SLC16A9: variants seen among roughly 807,000 people sequenced by gnomAD.
SLC16A9 encodes the protein solute carrier family 16 member 9, also known as monocarboxylate transporter 9.
SLC16A9 carries 26 observed loss-of-function variants against 44.3 expected under a neutral mutation model. The ratio of observed to expected loss-of-function variants is 0.59; its 90% CI spans 0.43 to 0.81. The LOEUF (loss-of-function observed/expected upper bound fraction) is 0.81, where lower values mean the gene tolerates loss of function less well. SLC16A9 is among the 40% of genes least tolerant of loss of function. The pLI, the probability that SLC16A9 is intolerant of heterozygous loss-of-function variation, is 0.00. For synonymous variants in SLC16A9, 230 were observed against 225.1 expected (o/e 1.02, Z -0.19); for missense variants, 559 against 595.8 (o/e 0.94, Z 0.64).
rs767930714 is a variant in SLC16A9, at chr10:59,652,781, A to T, written c.1521T>A (p.Ser507=). 36 of 1,609,342 alleles carry T rather than the reference A, an allele frequency of 2.2e-5. No homozygotes were observed. Among genetic ancestry groups the T allele is most frequent in the Non-Finnish European group, 3.1e-5 (36 of 1,178,532 alleles). The change falls in exon 6 of 6, where the codon TCT becomes TCA. Residue 507 remains serine, a synonymous_variant. Coordinates refer to ENST00000395348, the MANE Select transcript of SLC16A9 (RefSeq NM_194298.3). ...APTTFLYKVA[S]NV ...GTCTTCCAATATTCTTCTAAACATT[A>T]GAGGCAACTTTGTACAAGAAAGTTG...
At chr10:59,662,538 G>C (rs765033462) in intron 4 of SLC16A9, among the ~76,000 whole-genome samples, 1 of 148,996 alleles carries the variant, frequency 6.7e-6, no homozygotes, top group African/African-American at 2.5e-5. Context: ...AGGAAGCTGA[G>C]GCAGGAGATC....
chr10:59,695,074 A>T (rs527769582), intron 1 of SLC16A9, among the ~76,000 whole-genome samples: 5 of 152,120 alleles, frequency 3.3e-5, no homozygotes, highest in Admixed American at 3.3e-4. Flanking sequence ...ACATTGTATG[A>T]TTCCACTTAT....
chr10:59,705,482 C>T (rs1840617582), intron 1 of SLC16A9, among the ~76,000 whole-genome samples: 1 of 152,122 alleles, frequency 6.6e-6, no homozygotes. Context: ...TAACATAAGG[C>T]TATGTGGCTC....
chr10:59,693,762 G>T (rs112292810), intron 1 of SLC16A9, among the ~76,000 whole-genome samples: 2,853 of 151,374 alleles, frequency 0.019, 89 homozygotes, highest in African/African-American at 0.066. Flanking sequence ...TGGGGCTACA[G>T]GCGCCCGCCA....
chr10:59,664,431 A>C (rs1174193159), intron 3 of SLC16A9, 109 bp from the exon 4 acceptor site: 4 of 618,736 alleles, frequency 6.5e-6, no homozygotes, highest in Non-Finnish European at 1.1e-5. Context: ...TCACTGGCTA[A>C]AACTGTTACA....
At chr10:59,683,142 A>G (rs1388894455) in intron 2 of SLC16A9, among the ~76,000 whole-genome samples, 5 of 152,218 alleles carry the variant, frequency 3.3e-5, no homozygotes, top group Non-Finnish European at 5.9e-5. Flanking sequence ...TATTTTCCCC[A>G]TAAGAATAGA....
intron 1 of SLC16A9, 86 bp from the exon 2 acceptor site, chr10:59,684,413 G>GAA (rs377400206): frequency 7.9e-5 from 32 of 404,962 alleles, no homozygotes; most frequent in South Asian, 2.8e-4. Flanking sequence ...CTCCTAAAGT[G>GAA]AAAAAAAAAA....
intron 1 of SLC16A9, chr10:59,708,831 G>T (rs1171616): frequency 0.79 from 120,522 of 152,348 alleles, 47,913 homozygotes; most frequent in East Asian, 1. Flanking sequence ...CCTCCCAAGT[G>T]CTGGCTGAGG....
chr10:59,703,593 A>C (rs1238481152), intron 1 of SLC16A9, among the ~76,000 whole-genome samples: 2 of 152,140 alleles, frequency 1.3e-5, no homozygotes, highest in Admixed American at 1.3e-4. Flanking sequence ...AGTCAGAAGG[A>C]ATTTTGGAAA....
At chr10:59,674,983 G>T (rs1439338371) in intron 2 of SLC16A9, among the ~76,000 whole-genome samples, 1 of 152,128 alleles carries the variant, frequency 6.6e-6, no homozygotes, top group Non-Finnish European at 1.5e-5. Flanking sequence ...CCTAACAAAT[G>T]ATTTTTTTTG....
At chr10:59,670,429 C>T (rs1461304758) in intron 3 of SLC16A9, among the ~76,000 whole-genome samples, 1 of 152,202 alleles carries the variant, frequency 6.6e-6, no homozygotes, top group Non-Finnish European at 1.5e-5. Flanking sequence ...TTATGATGCT[C>T]AGTTTACAAA....
rs113302073 is a variant in SLC16A9 at position 59,690,292 on chromosome 10, G to T, written c.-36-5965C>A. 7.7e-3 allele frequency among the ~76,000 whole-genome samples: 1,178 copies of T among 152,304 alleles called. 16 individuals are homozygous for T. Among genetic ancestry groups the T allele is most frequent in the African/African-American group, 0.027 (1,139 of 41,566 alleles). ...CTAAGGGAGACCAGAAGGCATATAA[G>T]GTATGGTCCCTGACCTCAGGAACTC... On this transcript the variant is annotated intron_variant, in intron 1 of 5. Transcript: ENST00000395348.
At chr10:59,654,616 C>T in intron 4 of SLC16A9, 27 bp from the exon 5 acceptor site, 1 of 1,503,844 alleles carries the variant, frequency 6.6e-7, no homozygotes, top group African/African-American at 1.4e-5. Context: ...AACTGTTCAA[C>T]CTCGTAATCT....
chr10:59,650,836 A>T lies in SLC16A9; in HGVS notation c.*1936T>A, dbSNP rs1355799318. 8 of 152,192 alleles carry T rather than the reference A, an allele frequency of 5.3e-5. No individual in the cohort carries two copies. The highest frequency in any genetic ancestry group is 2.0e-4 in the Admixed American group (3 of 15,282). The allele number at this position is 152,192 out of a possible 1,614,324, so 9.4% of individuals were successfully genotyped here. ...AGACAACAGATAACGCCCACATTGGATGTTATTTAGCAGACATAGTGAAGA... is the reference window on the plus strand; with the variant it reads ...AGACAACAGATAACGCCCACATTGGTTGTTATTTAGCAGACATAGTGAAGA... On this transcript the variant is annotated 3_prime_UTR_variant, in exon 6 of 6. Transcript: ENST00000395348.
At position 59,654,123 on chromosome 10, in the gene SLC16A9, A is replaced by T; in HGVS notation, c.903T>A (p.Phe301Leu). 2 of 1,614,136 alleles carry T rather than the reference A, an allele frequency of 1.2e-6. No homozygotes were observed. The highest frequency in any genetic ancestry group is 1.7e-6 in the Non-Finnish European group (2 of 1,180,018). ...AAAGGGCTGAAAATACTTTGTTTTT[A>T]AAAAGAGCCACAGTTTCACCACAGT... ...KNYCGETVAL[F>L]KNKVFSALFI... Residue 301 changes from phenylalanine (F) to leucine (L), a missense_variant, in exon 5 of 6, where the codon TTT (phenylalanine) becomes TTA (leucine). Coordinates refer to ENST00000395348, the MANE Select transcript of SLC16A9 (RefSeq NM_194298.3).
At chr10:59,689,137 T>C (rs1419778490) in intron 1 of SLC16A9, among the ~76,000 whole-genome samples, 1 of 152,208 alleles carries the variant, frequency 6.6e-6, no homozygotes, top group Non-Finnish European at 1.5e-5. Context: ...TAACAGCTTC[T>C]GATCTGTCAT....
At chr10:59,689,778 C>T (rs1163195379) in intron 1 of SLC16A9, among the ~76,000 whole-genome samples, 1 of 152,150 alleles carries the variant, frequency 6.6e-6, no homozygotes, top group Non-Finnish European at 1.5e-5. Flanking sequence ...CATCCATACC[C>T]CACTTGGTTC....
intron 1 of SLC16A9, among the ~76,000 whole-genome samples, chr10:59,695,045 T>C (rs1262377385): frequency 6.6e-6 from 1 of 151,518 alleles, no homozygotes; most frequent in Non-Finnish European, 1.5e-5. Flanking sequence ...AGTGAGAAAA[T>C]GTAATTGAAA....
intron 1 of SLC16A9, among the ~76,000 whole-genome samples, chr10:59,690,841 T>C (rs1400924133): frequency 2.0e-5 from 3 of 151,120 alleles, no homozygotes; most frequent in Non-Finnish European, 4.4e-5. Context: ...CTCAGCACTC[T>C]GGGAGGCCGA....
Sources: allele counts gnomAD v4.1 joint callset (sites outside exome capture counted in the v4.1 genomes callset), GRCh38; gene constraint gnomAD v4.1.1; transcripts MANE v1.5; gene names NCBI Gene and HGNC (gene_info 2026-07-23, HGNC 2026-07-21).